Variants in ITPK1 observed in about 807,000 individuals in gnomAD.
ITPK1 encodes inositol 1,3,4-trisphosphate 5/6-kinase.
In ITPK1, 21 loss-of-function variants were observed where a neutral mutation model predicts 45.3. That is an observed-to-expected ratio of 0.46 (90% CI 0.33 to 0.67). The LOEUF (loss-of-function observed/expected upper bound fraction) is 0.67. ITPK1 is among the 30% of genes least tolerant of loss of function. ITPK1 has a pLI of 0.02. For missense variants in ITPK1, 474 were observed against 573.5 expected (o/e 0.83, Z 1.77); for synonymous variants, 258 against 253.6 (o/e 1.02, Z -0.16).
chr14:93,114,282 T>G (rs1332421372), intron 2 of ITPK1, among the ~76,000 whole-genome samples: 1 of 152,202 alleles, frequency 6.6e-6, no homozygotes, highest in Non-Finnish European at 1.5e-5. Context: ...ACGTGATCTG[T>G]TAAACACCGG....
At chr14:93,007,378 G>A (rs1262169221) in intron 4 of ITPK1, among the ~76,000 whole-genome samples, 1 of 124,030 alleles carries the variant, frequency 8.1e-6, no homozygotes, top group Non-Finnish European at 1.6e-5. Flanking sequence ...TCGCCCGGCC[G>A]AGTCTGACTT....
chr14:92,981,743 A>T (rs1202349215), intron 5 of ITPK1, among the ~76,000 whole-genome samples: 6 of 152,258 alleles, frequency 3.9e-5, no homozygotes, highest in African/African-American at 1.4e-4. Flanking sequence ...GGTGGGGAAG[A>T]CAGCGGCCAG....
intron 9 of ITPK1, 91 bp downstream of exon 9, chr14:92,951,855 G>A: frequency 1.0e-6 from 1 of 1,004,856 alleles, no homozygotes. Flanking sequence ...CTGCTGGAGA[G>A]CTTGGCCAAG....
At chr14:92,966,275 A>AG (rs1304496470) in intron 5 of ITPK1, among the ~76,000 whole-genome samples, 1 of 152,210 alleles carries the variant, frequency 6.6e-6, no homozygotes, top group Non-Finnish European at 1.5e-5. Flanking sequence ...TACAGGTGTG[A>AG]GCTACCATGC....
intron 3 of ITPK1, among the ~76,000 whole-genome samples, chr14:93,049,265 G>A (rs984303929): frequency 6.6e-6 from 1 of 152,256 alleles, no homozygotes; most frequent in Non-Finnish European, 1.5e-5. Context: ...CTGTGTGGAA[G>A]GCCTCCTGCA....
Position 93,032,633 on chromosome 14 carries a change from A to C in ITPK1, c.121-15832T>G, listed in dbSNP as rs532955354. Among the ~76,000 whole-genome samples the C allele has an allele frequency of 2.6e-5, 4 of 152,236 alleles. No homozygotes were observed. In the East Asian group the frequency reaches 7.7e-4, roughly 29 times the overall value. ...TACTGACCCACATCTGACCTGCCCC[A>C]CCCTCAATGGGAGGAAGTCCCCCAG... is the stretch of plus-strand genomic sequence containing the variant. On this transcript the variant is annotated intron_variant, in intron 3 of 10. Coordinates refer to ENST00000267615, the MANE Select transcript of ITPK1 (RefSeq NM_014216.6). The surrounding 1 kb of genome is among the most constrained non-coding windows in gnomAD (Gnocchi z 4.0).
At chr14:92,962,996 T>C in intron 5 of ITPK1, 147 bp from the exon 6 acceptor site, 1 of 571,964 alleles carries the variant, frequency 1.7e-6, no homozygotes, top group Non-Finnish European at 3.1e-6. Flanking sequence ...TCCCATGTGC[T>C]CGTGTGTGTG....
chr14:92,987,399 A>C (rs1293213558), intron 5 of ITPK1, among the ~76,000 whole-genome samples: 1 of 152,098 alleles, frequency 6.6e-6, no homozygotes, highest in Non-Finnish European at 1.5e-5. Context: ...CTCAACTGAG[A>C]GCCCGGCCAG....
At chr14:92,996,461 CT>C (rs1186087445) in intron 4 of ITPK1, among the ~76,000 whole-genome samples, 1 of 151,606 alleles carries the variant, frequency 6.6e-6, no homozygotes, top group African/African-American at 2.4e-5. Context: ...AGGGATAGCA[CT>C]GGGAGATATA....
intron 10 of ITPK1, among the ~76,000 whole-genome samples, chr14:92,942,269 G>T (rs1198621657): frequency 6.6e-6 from 1 of 152,178 alleles, no homozygotes; most frequent in Non-Finnish European, 1.5e-5. Flanking sequence ...ATGTTGGCGT[G>T]GCTGGAGGTA....
chr14:93,051,772 T>C (rs1890024232), intron 3 of ITPK1, among the ~76,000 whole-genome samples: 1 of 152,198 alleles, frequency 6.6e-6, no homozygotes, highest in Admixed American at 6.5e-5. Flanking sequence ...ACCCTGTGCC[T>C]CCAAATGTCT....
At position 92,940,861 on chromosome 14, in the gene ITPK1, G is replaced by A. The variant is rs1887337337; in HGVS notation, c.*700C>T. On this transcript the variant is annotated 3_prime_UTR_variant, in exon 11 of 11. Coordinates refer to ENST00000267615, the MANE Select transcript of ITPK1 (RefSeq NM_014216.6). ...CAGCAGTGCTGGCTTAGGGGAAGGAGACCGCTGTGCAGGGCTAAATGGGAC... is the reference window on the plus strand; with the variant it reads ...CAGCAGTGCTGGCTTAGGGGAAGGAAACCGCTGTGCAGGGCTAAATGGGAC... 5 of 1,288,710 alleles carry A rather than the reference G, an allele frequency of 3.9e-6. No individual in the cohort carries two copies. Among genetic ancestry groups the A allele is most frequent in the Non-Finnish European group, 5.1e-6 (5 of 988,676 alleles). 79.8% of individuals were successfully genotyped at this position (1,288,710 alleles called of 1,614,324 possible). A position where few individuals can be genotyped will look rare whatever the true frequency, so the allele number is the denominator to read the frequency against.
intron 2 of ITPK1, among the ~76,000 whole-genome samples, chr14:93,089,460 T>A (rs1026551871): frequency 6.6e-6 from 1 of 151,964 alleles, no homozygotes; most frequent in African/African-American, 2.4e-5. Flanking sequence ...AGGAAGGCAG[T>A]CAAGAGGTGA....
intron 2 of ITPK1, among the ~76,000 whole-genome samples, chr14:93,087,115 G>T (rs954103312): frequency 6.6e-6 from 1 of 152,194 alleles, no homozygotes; most frequent in East Asian, 1.9e-4. Flanking sequence ...CAACACAAAT[G>T]TATTATTCTC....
At chr14:92,963,568 G>A (rs559080921) in intron 5 of ITPK1, among the ~76,000 whole-genome samples, 2 of 152,292 alleles carry the variant, frequency 1.3e-5, no homozygotes, top group South Asian at 4.1e-4. Context: ...TCCAGCCCAG[G>A]CCGCGCCTGG....
In ITPK1 at chr14:92,941,572, AGGCCTTGGT is replaced by A; in HGVS notation, c.1225_1233del (p.Thr409_Ala411del). 6.5e-7 allele frequency: 1 copy of A among 1,534,814 alleles called. No homozygotes were observed. Among genetic ancestry groups the A allele is most frequent in the Non-Finnish European group, 8.7e-7 (1 of 1,143,666 alleles). ...TCCCGGCTCCGTGGCTACTGGGAGG[AGGCCTTGGT>A]GGCCAGGGAGGCCACACAATGCTGC... On this transcript the variant is annotated inframe_deletion, in exon 11 of 11. Transcript: ENST00000267615.
chr14:92,962,509 T>G, intron 6 of ITPK1, 114 bp from the exon 7 acceptor site: 1 of 807,044 alleles, frequency 1.2e-6, no homozygotes. Context: ...TCTGGACACC[T>G]GGTATCTGCA....
chr14:93,039,922 C>T lies in ITPK1; in HGVS notation c.121-23121G>A, dbSNP rs568782130. Among the ~76,000 whole-genome samples, 147 of 152,316 alleles carry T rather than the reference C, an allele frequency of 9.7e-4. 2 individuals are homozygous for T. Among genetic ancestry groups the T allele is most frequent in the Non-Finnish European group, 8.1e-4 (55 of 68,022 alleles). On this transcript the variant is annotated intron_variant, in intron 3 of 10. Coordinates refer to ENST00000267615, the MANE Select transcript of ITPK1 (RefSeq NM_014216.6). ...GTTCTTACTGGCCCTCTGTCCTCCCCACAGGGCCTCCTCCAGAGGGTGTCC... is the reference window on the plus strand; with the variant it reads ...GTTCTTACTGGCCCTCTGTCCTCCCTACAGGGCCTCCTCCAGAGGGTGTCC...
intron 4 of ITPK1, among the ~76,000 whole-genome samples, chr14:93,000,060 T>C (rs750151643): frequency 1.8e-4 from 27 of 152,248 alleles, no homozygotes; most frequent in Non-Finnish European, 3.5e-4. Flanking sequence ...TGCATCCATG[T>C]TGCAGCGTGC....
Sources: gnomAD v4.1 joint callset for allele counts (sites outside exome capture counted in the v4.1 genomes callset) on GRCh38, gnomAD v4.1.1 for gene constraint, Gnocchi (gnomAD v3.1) non-coding constraint, MANE v1.5 for transcripts, NCBI Gene and HGNC (gene_info 2026-07-23, HGNC 2026-07-21) for gene names.